Variants in SCN8A observed in about 807,000 individuals in gnomAD.
The protein encoded by SCN8A is sodium voltage-gated channel alpha subunit 8, also known as sodium channel protein type 8 subunit alpha.
In SCN8A, 30 loss-of-function variants were observed where a neutral mutation model predicts 184.1. The observed-to-expected ratio is 0.16, with a 90% confidence interval of 0.12 to 0.22. The LOEUF (loss-of-function observed/expected upper bound fraction) is 0.22, where lower values mean the gene tolerates loss of function less well. Among genes scored for constraint, SCN8A ranks in the 10% least tolerant of loss-of-function variants. The probability of loss-of-function intolerance (pLI) is 1.00; values close to 1 mark genes in which losing one functional copy is unlikely to be tolerated. For synonymous variants in SCN8A, 852 were observed against 907.0 expected, an observed-to-expected ratio of 0.94 and a Z score of 1.09; for missense variants, 1,057 against 2,498.9, an observed-to-expected ratio of 0.42 and a Z score of 12.30.
At chr12:51,748,554 C>T (rs1404512174) in intron 13 of SCN8A, among the ~76,000 whole-genome samples, 2 of 151,996 alleles carry the variant, frequency 1.3e-5, no homozygotes, top group African/African-American at 2.4e-5. Context: ...AAGGGGAGAT[C>T]GTGGTGAAGT....
chr12:51,645,452 G>A (rs1457811964), intron 1 of SCN8A, among the ~76,000 whole-genome samples: 1 of 152,158 alleles, frequency 6.6e-6, no homozygotes, highest in African/African-American at 2.4e-5. Context: ...TGTCTGGGAG[G>A]TGTACCCAAC....
intron 13 of SCN8A, among the ~76,000 whole-genome samples, chr12:51,748,957 A>G (rs1942555417): frequency 6.6e-6 from 1 of 152,222 alleles, no homozygotes; most frequent in Non-Finnish European, 1.5e-5. Flanking sequence ...AACAATTCCC[A>G]GTACCCCTGA....
chr12:51,793,099 T>C (rs900224747), intron 25 of SCN8A, among the ~76,000 whole-genome samples: 1 of 152,038 alleles, frequency 6.6e-6, no homozygotes, highest in Non-Finnish European at 1.5e-5. Flanking sequence ...GAGGACTGCA[T>C]TGGATGAGGG....
chr12:51,645,098 G>A (rs1940544228), intron 1 of SCN8A, among the ~76,000 whole-genome samples: 5 of 144,672 alleles, frequency 3.5e-5, no homozygotes, highest in Middle Eastern at 8.5e-3. Context: ...CCCCCCGCCC[G>A]GCCAGCCGCC....
At chr12:51,712,126 A>G (rs942209219) in intron 11 of SCN8A, among the ~76,000 whole-genome samples, 1 of 152,212 alleles carries the variant, frequency 6.6e-6, no homozygotes, top group African/African-American at 2.4e-5. Context: ...CACTACCACA[A>G]TTTACAGGGC....
chr12:51,746,338 CAG>C (rs374839237), intron 13 of SCN8A, among the ~76,000 whole-genome samples: 10 of 152,298 alleles, frequency 6.6e-5, no homozygotes, highest in African/African-American at 2.2e-4. Flanking sequence ...CATGAGGAGT[CAG>C]TGGGGTGCTG....
At chr12:51,616,439 C>T (rs746036256) in intron 1 of SCN8A, among the ~76,000 whole-genome samples, 1 of 152,036 alleles carries the variant, frequency 6.6e-6, no homozygotes, top group African/African-American at 2.4e-5. Context: ...TGAAACCTGT[C>T]TCTACTAAAA....
chr12:51,787,809 T>C (rs931250368), intron 22 of SCN8A, among the ~76,000 whole-genome samples: 2 of 152,136 alleles, frequency 1.3e-5, no homozygotes, highest in African/African-American at 4.8e-5. Context: ...GAAGGCAAAG[T>C]TCATGGAATG....
chr12:51,680,994 A>T (rs1196800355), intron 2 of SCN8A, among the ~76,000 whole-genome samples: 1 of 152,068 alleles, frequency 6.6e-6, no homozygotes, highest in Non-Finnish European at 1.5e-5. Flanking sequence ...ACAAAAGCAA[A>T]ACTCTGTCTC....
chr12:51,648,490 G>C (rs1219704019), intron 1 of SCN8A, among the ~76,000 whole-genome samples: 1 of 152,200 alleles, frequency 6.6e-6, no homozygotes, highest in African/African-American at 2.4e-5. Context: ...AGACATACCT[G>C]AGACTGGGAA....
intron 6 of SCN8A, among the ~76,000 whole-genome samples, chr12:51,690,426 C>T (rs1941487541): frequency 6.6e-6 from 1 of 151,994 alleles, no homozygotes. Flanking sequence ...GATGATGGCT[C>T]ACTGCAGCCT....
At chr12:51,632,284 A>T (rs1940213130) in intron 1 of SCN8A, among the ~76,000 whole-genome samples, 1 of 152,254 alleles carries the variant, frequency 6.6e-6, no homozygotes, top group South Asian at 2.1e-4. Context: ...AAAAGCACAA[A>T]TGATTTTTCT....
intron 1 of SCN8A, among the ~76,000 whole-genome samples, chr12:51,596,271 G>C (rs1238166512): frequency 6.6e-6 from 1 of 152,142 alleles, no homozygotes; most frequent in Non-Finnish European, 1.5e-5. Context: ...ATGTTACTCT[G>C]TGTTTGTCTA....
intron 9 of SCN8A, among the ~76,000 whole-genome samples, chr12:51,704,392 G>A (rs1592391662): frequency 6.6e-6 from 1 of 151,864 alleles, no homozygotes; most frequent in Admixed American, 6.6e-5. Context: ...TTTCCTGGCC[G>A]GACACAGTGG....
intron 12 of SCN8A, among the ~76,000 whole-genome samples, chr12:51,728,878 C>T (rs1942196735): frequency 6.6e-6 from 1 of 152,128 alleles, no homozygotes; most frequent in Admixed American, 6.6e-5. Flanking sequence ...CGAGATGTCC[C>T]ACTTTTTATT....
At chr12:51,663,903 A>ATTTTTTTTTTTTTTTTT (rs796653928) in intron 2 of SCN8A, among the ~76,000 whole-genome samples, 2 of 69,804 alleles carry the variant, frequency 2.9e-5, no homozygotes, top group African/African-American at 9.7e-5. Flanking sequence ...CATTTGACAG[A>ATTTTTTTTTTTTTTTTT]TTTTTTTTTT....
rs547498047 is a variant in SCN8A at position 51,687,794 on chromosome 12, T to C, written c.614+575T>C. Among the ~76,000 whole-genome samples the C allele has an allele frequency of 3.3e-5, 5 of 152,344 alleles. No homozygotes were observed. The South Asian group carries it at 1.0e-3, about 32-fold the overall frequency. On this transcript the variant is annotated intron_variant, in intron 5 of 26. Coordinates refer to ENST00000627620, the MANE Select transcript of SCN8A (RefSeq NM_001330260.2). ...TGGTATGTTACTGCTCTTGCTCATT[T>C]GTGTTGTTTTAGCAATAAAAATGTA... is the stretch of plus-strand genomic sequence containing the variant.
At chr12:51,607,500 C>G (rs1939621462) in intron 1 of SCN8A, among the ~76,000 whole-genome samples, 1 of 152,112 alleles carries the variant, frequency 6.6e-6, no homozygotes, top group African/African-American at 2.4e-5. Flanking sequence ...TCCTTGTCTT[C>G]TTGTTCCAGT....
chr12:51,737,928 G>A (rs182302715), intron 12 of SCN8A, among the ~76,000 whole-genome samples: 1 of 152,220 alleles, frequency 6.6e-6, no homozygotes, highest in Admixed American at 6.5e-5. Flanking sequence ...GAAAATGTTG[G>A]CGCTATGTGC....
Sources: allele counts gnomAD v4.1 joint callset (sites outside exome capture counted in the v4.1 genomes callset), GRCh38; gene constraint gnomAD v4.1.1; transcripts MANE v1.5; gene names NCBI Gene and HGNC (gene_info 2026-07-23, HGNC 2026-07-21).